The following LRRIQ3 variants were observed in gnomAD, a reference collection of about 807,000 sequenced individuals.
The protein encoded by LRRIQ3 is leucine rich repeats and IQ motif containing 3, also known as leucine-rich repeat and IQ domain-containing protein 3.
In LRRIQ3, 75 loss-of-function variants were observed where a neutral mutation model predicts 59.3. That is an observed-to-expected ratio of 1.26 (90% CI 1.05 to 1.53). The LOEUF (loss-of-function observed/expected upper bound fraction) is 1.53, where lower values mean the gene tolerates loss of function less well. LRRIQ3 is among the 40% of genes most tolerant of loss of function. The probability of loss-of-function intolerance (pLI) is 0.00; values close to 1 mark genes in which losing one functional copy is unlikely to be tolerated. For missense variants in LRRIQ3, 831 were observed against 710.0 expected (o/e 1.17, Z -1.94); for synonymous variants, 250 against 231.3 (o/e 1.08, Z -0.73).
chr1:74,151,472 G>GA (rs1647952720), intron 4 of LRRIQ3, among the ~76,000 whole-genome samples: 1 of 151,540 alleles, frequency 6.6e-6, no homozygotes, highest in African/African-American at 2.4e-5. Flanking sequence ...AATGAATGGG[G>GA]AAAAATCATA....
intron 6 of LRRIQ3, among the ~76,000 whole-genome samples, chr1:74,048,053 T>A (rs1254571624): frequency 2.6e-5 from 4 of 152,142 alleles, no homozygotes; most frequent in Non-Finnish European, 5.9e-5. Flanking sequence ...AAACTTACCA[T>A]GTTGGCATCC....
intron 4 of LRRIQ3, among the ~76,000 whole-genome samples, chr1:74,110,240 A>C (rs1260171825): frequency 6.6e-6 from 1 of 151,880 alleles, no homozygotes; most frequent in East Asian, 1.9e-4. Context: ...CATCAAACCT[A>C]CTCAATATTG....
rs376451631 is a variant in LRRIQ3, at chr1:74,026,669, A to G, written c.*144T>C. 2 of 647,960 alleles carry G rather than the reference A, an allele frequency of 3.1e-6. No individual in the cohort carries two copies. Among genetic ancestry groups the G allele is most frequent in the South Asian group, 2.7e-5 (1 of 36,418 alleles). The allele number at this position is 647,960 out of a possible 1,614,324, so 40.1% of individuals were successfully genotyped here. Reference sequence around the variant, plus strand: ...GACCAATAAGAGAAACATTTTAACTAATCTTTATATTTTTAGAAGACTTAT... The same window carrying G: ...GACCAATAAGAGAAACATTTTAACTGATCTTTATATTTTTAGAAGACTTAT... On this transcript the variant is annotated 3_prime_UTR_variant, in exon 8 of 8. Transcript: ENST00000354431.
chr1:74,176,656 GTTGT>G (rs1649659685), intron 3 of LRRIQ3, among the ~76,000 whole-genome samples: 2 of 150,346 alleles, frequency 1.3e-5, no homozygotes, highest in African/African-American at 4.9e-5. Flanking sequence ...TTTTTTTTCT[GTTGT>G]TTATGTAGGG....
At chr1:74,050,636 A>C (rs1654343088) in intron 6 of LRRIQ3, 1 of 954,408 alleles carries the variant, frequency 1.0e-6, no homozygotes, top group Admixed American at 6.2e-5. Context: ...AATGCTCACA[A>C]GTGGGTCTGA....
chr1:74,128,544 T>A (rs1420040169), intron 4 of LRRIQ3, among the ~76,000 whole-genome samples: 1 of 152,144 alleles, frequency 6.6e-6, no homozygotes, highest in Admixed American at 6.6e-5. Context: ...AAGGCTATTT[T>A]AAATCATCTG....
intron 1 of LRRIQ3, among the ~76,000 whole-genome samples, chr1:74,194,559 T>C (rs1650976610): frequency 1.3e-5 from 2 of 152,312 alleles, no homozygotes; most frequent in Non-Finnish European, 2.9e-5. Flanking sequence ...AAAAAAGCTT[T>C]TGTGAGACCT....
chr1:74,142,430 T>A (rs913482704), intron 4 of LRRIQ3, among the ~76,000 whole-genome samples: 7 of 151,986 alleles, frequency 4.6e-5, no homozygotes, highest in Non-Finnish European at 8.8e-5. Flanking sequence ...AAAGCAGAGT[T>A]AATCACACCA....
At chr1:74,191,062 T>A (rs910945024) in intron 1 of LRRIQ3, among the ~76,000 whole-genome samples, 1 of 152,078 alleles carries the variant, frequency 6.6e-6, no homozygotes, top group African/African-American at 2.4e-5. Context: ...AATTACCCAG[T>A]GTTGAGTGTG....
At chr1:74,157,700 T>C (rs943232918) in intron 3 of LRRIQ3, among the ~76,000 whole-genome samples, 2 of 152,148 alleles carry the variant, frequency 1.3e-5, no homozygotes, top group East Asian at 3.9e-4. Context: ...CCTCTAAATC[T>C]TGTTTACTTC....
intron 6 of LRRIQ3, among the ~76,000 whole-genome samples, chr1:74,047,507 G>A (rs1182971103): frequency 1.3e-5 from 2 of 151,870 alleles, no homozygotes; most frequent in South Asian, 4.2e-4. Flanking sequence ...TGGGTTGATG[G>A]GTGCAGCATA....
intron 6 of LRRIQ3, among the ~76,000 whole-genome samples, chr1:74,050,966 A>T (rs1654352326): frequency 6.6e-6 from 1 of 152,208 alleles, no homozygotes; most frequent in Non-Finnish European, 1.5e-5. Context: ...ATGGTATAAG[A>T]TCACCATAAT....
intron 1 of LRRIQ3, among the ~76,000 whole-genome samples, chr1:74,193,571 A>C (rs889772746): frequency 1.3e-5 from 2 of 152,148 alleles, no homozygotes; most frequent in African/African-American, 2.4e-5. Flanking sequence ...TTGTATATTT[A>C]TTTCTTTTCC....
intron 6 of LRRIQ3, among the ~76,000 whole-genome samples, chr1:74,065,094 T>C (rs1591968): frequency 2.6e-5 from 4 of 152,082 alleles, no homozygotes; most frequent in African/African-American, 9.7e-5. Flanking sequence ...TCCAAGACTT[T>C]GTTCACTGTA....
intron 6 of LRRIQ3, among the ~76,000 whole-genome samples, chr1:74,052,907 C>A (rs1654410237): frequency 6.6e-6 from 1 of 152,040 alleles, no homozygotes; most frequent in Admixed American, 6.6e-5. Flanking sequence ...GTTCACTATT[C>A]TTTCTGGTTT....
intron 4 of LRRIQ3, among the ~76,000 whole-genome samples, chr1:74,120,394 G>T (rs895393475): frequency 4.6e-5 from 7 of 151,984 alleles, no homozygotes; most frequent in Admixed American, 1.3e-4. Context: ...GAGATTACAG[G>T]TGTGAGCCAC....
chr1:74,077,456 C>A (rs997164509), intron 5 of LRRIQ3, among the ~76,000 whole-genome samples: 7 of 151,350 alleles, frequency 4.6e-5, no homozygotes, highest in African/African-American at 1.5e-4. Context: ...AACAAGAACC[C>A]CCCCCAAAAA....
At chr1:74,105,320 T>G (rs1646595901) in intron 5 of LRRIQ3, among the ~76,000 whole-genome samples, 2 of 151,558 alleles carry the variant, frequency 1.3e-5, no homozygotes, top group Non-Finnish European at 2.9e-5. Context: ...GGTGTGATCT[T>G]TGCTCACTGC....
At chr1:74,075,822 A>G (rs746592266) in intron 5 of LRRIQ3, among the ~76,000 whole-genome samples, 1 of 152,110 alleles carries the variant, frequency 6.6e-6, no homozygotes, top group South Asian at 2.1e-4. Flanking sequence ...CTGTATCTGC[A>G]TGGGTACTAT....
Sources: allele counts gnomAD v4.1 joint callset (sites outside exome capture counted in the v4.1 genomes callset), GRCh38; gene constraint gnomAD v4.1.1; transcripts MANE v1.5; gene names NCBI Gene and HGNC (gene_info 2026-07-23, HGNC 2026-07-21).